NOVA1: variants seen among roughly 807,000 people sequenced by gnomAD.
NOVA1 encodes NOVA alternative splicing regulator 1.
NOVA1 carries 7 observed loss-of-function variants against 38.0 expected under a neutral mutation model. That is an observed-to-expected ratio of 0.18 (90% confidence interval 0.10 to 0.35). The LOEUF (loss-of-function observed/expected upper bound fraction) is 0.35, where lower values mean the gene tolerates loss of function less well. NOVA1 is among the 10% of genes least tolerant of loss of function. NOVA1 has a pLI of 1.00. For synonymous variants in NOVA1, 270 were observed against 232.5 expected, an observed-to-expected ratio of 1.16 and a Z score of -1.47; for missense variants, 460 against 616.0, an observed-to-expected ratio of 0.75 and a Z score of 2.68.
chr14:26,585,810 C>CCT (rs3054143), intron 2 of NOVA1, among the ~76,000 whole-genome samples: 144,586 of 151,214 alleles, frequency 0.96, 69,226 homozygotes, highest in East Asian at 1. Flanking sequence ...GCAAAATTCC[C>CCT]GTCATACTCC....
chr14:26,583,922 T>C lies in NOVA1; in HGVS notation c.280+11488A>G, dbSNP rs74040215. 3.7e-3 allele frequency among the ~76,000 whole-genome samples: 507 copies of C among 138,386 alleles called. 1 individual carries two copies. Among genetic ancestry groups the C allele is most frequent in the African/African-American group, 0.013 (439 of 34,628 alleles). The allele number at this position is 138,386 out of a possible 152,430, so 90.8% of individuals were successfully genotyped here. ...ACACACACACACACACACACACACA[T>C]ATATTGTATAAATCACTCATGTTTA... On this transcript the variant is annotated intron_variant, in intron 2 of 4. Coordinates refer to ENST00000539517, the MANE Select transcript of NOVA1 (RefSeq NM_002515.3).
intron 2 of NOVA1, among the ~76,000 whole-genome samples, chr14:26,534,273 T>C (rs1889922668): frequency 6.6e-6 from 1 of 152,166 alleles, no homozygotes; most frequent in Non-Finnish European, 1.5e-5. Context: ...TAATATTTGG[T>C]AGTACATAAA....
chr14:26,482,991 C>A (rs112428519), intron 2 of NOVA1, among the ~76,000 whole-genome samples: 1 of 152,048 alleles, frequency 6.6e-6, no homozygotes, highest in Non-Finnish European at 1.5e-5. Context: ...CCACCACGCC[C>A]GGCTTAAGAG....
At chr14:26,456,344 C>A (rs1418203204) in intron 4 of NOVA1, among the ~76,000 whole-genome samples, 1 of 151,702 alleles carries the variant, frequency 6.6e-6, no homozygotes, top group Non-Finnish European at 1.5e-5. Context: ...AGTGAAGATG[C>A]CAAATAAGTG....
At chr14:26,597,064 G>A (rs1400662625) in intron 1 of NOVA1, 1 of 1,227,970 alleles carries the variant, frequency 8.1e-7, no homozygotes, top group African/African-American at 1.6e-5. Context: ...CCGAAAAACT[G>A]GTCGCCATTT....
chr14:26,590,789 T>C (rs1214203909), intron 2 of NOVA1, among the ~76,000 whole-genome samples: 1 of 151,842 alleles, frequency 6.6e-6, no homozygotes, highest in Non-Finnish European at 1.5e-5. Context: ...GTTGTAGATA[T>C]ATTTCATTAC....
chr14:26,564,274 G>C (rs532547824), intron 2 of NOVA1, among the ~76,000 whole-genome samples: 2 of 152,174 alleles, frequency 1.3e-5, no homozygotes, highest in South Asian at 4.1e-4. Flanking sequence ...TGTAGCTAAC[G>C]GTACTAACAG....
chr14:26,592,082 G>A (rs753152038), intron 2 of NOVA1, among the ~76,000 whole-genome samples: 3 of 151,180 alleles, frequency 2.0e-5, no homozygotes, highest in Non-Finnish European at 4.4e-5. Context: ...TAAAATCTAA[G>A]GAATACACGA....
chr14:26,543,589 G>A (rs1382134145), intron 2 of NOVA1, among the ~76,000 whole-genome samples: 1 of 151,950 alleles, frequency 6.6e-6, no homozygotes. Flanking sequence ...TGAAGACTGG[G>A]TAGAATACCG....
Position 26,448,971 on chromosome 14 carries a change from T to A in NOVA1, c.520-8A>T, listed in dbSNP as rs778945075. The A allele has an allele frequency of 1.9e-6, 3 of 1,582,154 alleles. No individual in the cohort carries two copies. Among genetic ancestry groups the A allele is most frequent in the Non-Finnish European group, 2.6e-6 (3 of 1,164,268 alleles). On this transcript the variant is annotated splice_polypyrimidine_tract_variant and splice_region_variant and intron_variant, in intron 4 of 4. Coordinates refer to ENST00000539517, the MANE Select transcript of NOVA1 (RefSeq NM_002515.3). The surrounding 1 kb of genome is among the most constrained non-coding windows in gnomAD (Gnocchi z 5.3). ...GGGAACTATAATCTTTACCTGTAAT[T>A]AAAAAAAATACGTATAAATAATACT...
intron 2 of NOVA1, among the ~76,000 whole-genome samples, chr14:26,559,706 A>G (rs1410636815): frequency 1.3e-5 from 2 of 152,128 alleles, no homozygotes; most frequent in African/African-American, 4.8e-5. Context: ...ATGAAGACAG[A>G]GAGTAGACTG....
chr14:26,554,783 C>T (rs538527784), intron 2 of NOVA1, among the ~76,000 whole-genome samples: 3 of 152,112 alleles, frequency 2.0e-5, no homozygotes, highest in African/African-American at 7.2e-5. Context: ...TCTATGAATA[C>T]TAGGCTGAAT....
At chr14:26,514,204 T>C (rs938925291) in intron 2 of NOVA1, among the ~76,000 whole-genome samples, 4 of 151,766 alleles carry the variant, frequency 2.6e-5, no homozygotes, top group Non-Finnish European at 5.9e-5. Context: ...AATGTAAGTA[T>C]AGGCACAATA....
At chr14:26,562,064 T>G (rs1312634685) in intron 2 of NOVA1, among the ~76,000 whole-genome samples, 1 of 152,146 alleles carries the variant, frequency 6.6e-6, no homozygotes, top group Non-Finnish European at 1.5e-5. Context: ...AGCTGCTAGG[T>G]TTTTGTTTTG....
At position 26,513,305 on chromosome 14, in the gene NOVA1, GA is replaced by G. The variant is rs370676140; in HGVS notation, c.281-33163del. 3.0e-3 allele frequency among the ~76,000 whole-genome samples: 452 copies of G among 151,838 alleles called. 2 individuals carry two copies. The highest frequency in any genetic ancestry group is 0.011 in the African/African-American group (442 of 41,494). On this transcript the variant is annotated intron_variant, in intron 2 of 4. Coordinates refer to ENST00000539517, the MANE Select transcript of NOVA1 (RefSeq NM_002515.3). ...TTATGGATTTTCATTAAATTTCTTA[GA>G]AAAATTATGCAAAATTAGTAATTTT...
intron 2 of NOVA1, among the ~76,000 whole-genome samples, chr14:26,590,705 A>G (rs918859455): frequency 3.3e-5 from 5 of 151,928 alleles, no homozygotes; most frequent in South Asian, 2.1e-4. Context: ...TCTTCAATAC[A>G]TAAGTATTGA....
chr14:26,451,659 G>A (rs543299074), intron 4 of NOVA1, among the ~76,000 whole-genome samples: 95 of 152,012 alleles, frequency 6.2e-4, no homozygotes, highest in Non-Finnish European at 1.1e-3. Flanking sequence ...AACCACGCCC[G>A]GCCAATACTC....
At chr14:26,569,743 A>G (rs1470432539) in intron 2 of NOVA1, among the ~76,000 whole-genome samples, 1 of 152,228 alleles carries the variant, frequency 6.6e-6, no homozygotes, top group Non-Finnish European at 1.5e-5. Context: ...CAACTTCTAT[A>G]AACTTGAGAG....
intron 4 of NOVA1, among the ~76,000 whole-genome samples, chr14:26,453,226 A>G (rs1196145884): frequency 7.8e-6 from 1 of 128,674 alleles, no homozygotes; most frequent in Non-Finnish European, 1.8e-5. Context: ...TTATTTTTAG[A>G]GAGGGGGGTC....
Sources: gnomAD v4.1 joint callset for allele counts (sites outside exome capture counted in the v4.1 genomes callset) on GRCh38, gnomAD v4.1.1 for gene constraint, Gnocchi (gnomAD v3.1) non-coding constraint, MANE v1.5 for transcripts, NCBI Gene and HGNC (gene_info 2026-07-23, HGNC 2026-07-21) for gene names.